AIF1L: variants seen among roughly 807,000 people sequenced by gnomAD.
AIF1L encodes allograft inflammatory factor 1-like.
AIF1L carries 12 observed loss-of-function variants against 20.7 expected under a neutral mutation model. The ratio of observed to expected loss-of-function variants is 0.58; its 90% confidence interval spans 0.37 to 0.94. The LOEUF is 0.94. Ranked by LOEUF, AIF1L falls within the 40% of genes least tolerant of loss-of-function variation. AIF1L has a pLI of 0.01. For synonymous variants in AIF1L, 76 were observed against 65.1 expected (o/e 1.17, Z -0.81); for missense variants, 173 against 185.3 (o/e 0.93, Z 0.39).
intron 2 of AIF1L, among the ~76,000 whole-genome samples, chr9:131,097,307 C>G (rs1353989847): frequency 6.6e-6 from 1 of 152,236 alleles, no homozygotes; most frequent in Admixed American, 6.5e-5. Context: ...GCAGCCTCCA[C>G]CTTTGGGATT....
chr9:131,099,609 C>T (rs74334054), intron 2 of AIF1L, among the ~76,000 whole-genome samples: 2,508 of 152,322 alleles, frequency 0.016, 78 homozygotes, highest in African/African-American at 0.058. Context: ...GCCTGGGGCA[C>T]AGCCCAGCTT....
chr9:131,097,974 C>T (rs1588177360), intron 2 of AIF1L, among the ~76,000 whole-genome samples: 1 of 152,256 alleles, frequency 6.6e-6, no homozygotes, highest in African/African-American at 2.4e-5. Flanking sequence ...CCCCTGCAGG[C>T]TCCTCTGGTC....
At chr9:131,102,564 G>A (rs981184644) in intron 2 of AIF1L, among the ~76,000 whole-genome samples, 2 of 152,230 alleles carry the variant, frequency 1.3e-5, no homozygotes, top group Non-Finnish European at 1.5e-5. Flanking sequence ...GTGTGGCCGT[G>A]TCACAGGAAG....
At position 131,117,878 on chromosome 9, in the gene AIF1L, G is replaced by C. The variant is rs1189343793; in HGVS notation, c.325G>C (p.Val109Leu). The change falls in exon 5 of 6, where the codon GTG (valine) becomes CTG (leucine). Residue 109 changes from valine to leucine, a missense_variant. Coordinates refer to ENST00000247291, the MANE Select transcript of AIF1L (RefSeq NM_031426.4). ...VSDTISYRDF[V>L]NMMLGKRSAV... ...TGACACTATATCCTACCGAGACTTT[G>C]TGAACATGATGCTGGGGAAACGGTC... 2 of 1,613,248 alleles carry C rather than the reference G, an allele frequency of 1.2e-6. No individual in the cohort carries two copies. The highest frequency in any genetic ancestry group is 1.7e-6 in the Non-Finnish European group (2 of 1,179,776).
chr9:131,111,505 C>T (rs906476116), intron 2 of AIF1L, 92 bp from the exon 3 acceptor site: 439 of 1,198,802 alleles, frequency 3.7e-4, no homozygotes, highest in Non-Finnish European at 4.7e-4. Context: ...CCTGGTTACC[C>T]GATAGGAGGG....
intron 2 of AIF1L, chr9:131,111,354 C>T: frequency 2.2e-6 from 1 of 452,642 alleles, no homozygotes; most frequent in Non-Finnish European, 4.0e-6. Context: ...GGCTGGAGGG[C>T]TTAGTCACCC....
intron 2 of AIF1L, among the ~76,000 whole-genome samples, chr9:131,099,596 G>A (rs886659258): frequency 6.6e-6 from 1 of 152,222 alleles, no homozygotes; most frequent in East Asian, 1.9e-4. Context: ...CGCCATGGCT[G>A]CTGCCTGGGG....
intron 2 of AIF1L, among the ~76,000 whole-genome samples, chr9:131,107,072 A>G (rs1357979697): frequency 6.6e-6 from 1 of 152,118 alleles, no homozygotes; most frequent in East Asian, 1.9e-4. Context: ...CAGCCTGGCG[A>G]CAGAGTGAGA....
intron 5 of AIF1L, 81 bp downstream of exon 5, chr9:131,117,999 G>C: frequency 6.9e-7 from 1 of 1,446,106 alleles, no homozygotes; most frequent in Non-Finnish European, 9.3e-7. Context: ...GGGCACCCCA[G>C]CCATTCCCCA....
At chr9:131,116,626 G>A (rs1398041320) in intron 4 of AIF1L, among the ~76,000 whole-genome samples, 4 of 152,184 alleles carry the variant, frequency 2.6e-5, no homozygotes, top group African/African-American at 4.8e-5. Flanking sequence ...TTGTTTAGCC[G>A]ATGCCTTTGT....
At chr9:131,103,378 A>T in intron 2 of AIF1L, among the ~76,000 whole-genome samples, 1 of 152,026 alleles carries the variant, frequency 6.6e-6, no homozygotes, top group East Asian at 1.9e-4. Context: ...TCGGTGGGTG[A>T]TGTTCTTTCC....
At position 131,098,463 on chromosome 9, in the gene AIF1L, T is replaced by A. The variant is rs185714032; in HGVS notation, c.93+1600T>A. On this transcript the variant is annotated intron_variant, in intron 2 of 5. Transcript: ENST00000247291. ...AGAAGGCTGGAACCCCGACCTCATA[T>A]AGCCCCCTGGGTCACTTGGCCAGGC... Among the ~76,000 whole-genome samples, 163 of 152,200 alleles carry A rather than the reference T, an allele frequency of 1.1e-3. 5 individuals are homozygous for A. In the Middle Eastern group the frequency reaches 0.017, roughly 16 times the overall value.
At chr9:131,106,254 C>G in intron 2 of AIF1L, 1 of 1,532,754 alleles carries the variant, frequency 6.5e-7, no homozygotes, top group Non-Finnish European at 8.7e-7. Context: ...CTTGCTGGCT[C>G]TGCTGTTTCA....
intron 2 of AIF1L, among the ~76,000 whole-genome samples, chr9:131,109,256 A>G (rs763715665): frequency 1.3e-4 from 20 of 152,244 alleles, no homozygotes; most frequent in Middle Eastern, 3.4e-3. Context: ...GAGCTCAGTA[A>G]TGAAGAATGG....
At chr9:131,105,928 C>T (rs1448186623) in intron 2 of AIF1L, among the ~76,000 whole-genome samples, 1 of 151,842 alleles carries the variant, frequency 6.6e-6, no homozygotes, top group Non-Finnish European at 1.5e-5. Context: ...AAGTGATCCT[C>T]CAGCCTCAGC....
At chr9:131,102,214 CT>C (rs1172936008) in intron 2 of AIF1L, among the ~76,000 whole-genome samples, 1 of 152,166 alleles carries the variant, frequency 6.6e-6, no homozygotes, top group African/African-American at 2.4e-5. Context: ...CACCTGGCCC[CT>C]GATGTTTTTT....
chr9:131,115,449 CAAAA>C lies in AIF1L; in HGVS notation c.202+853_202+856del, dbSNP rs746698091. Among the ~76,000 whole-genome samples, 354 of 60,396 alleles carry C rather than the reference CAAAA, an allele frequency of 5.9e-3. 1 individual carries two copies. The highest frequency in any genetic ancestry group is 0.023 in the African/African-American group (320 of 14,208). The allele number at this position is 60,396 out of a possible 152,430, so 39.6% of individuals were successfully genotyped here. A position where few individuals can be genotyped will look rare whatever the true frequency, so the allele number is the denominator to read the frequency against. On this transcript the variant is annotated intron_variant, in intron 4 of 5. Coordinates refer to ENST00000247291, the MANE Select transcript of AIF1L (RefSeq NM_031426.4). ...TGGGTGACAGAGCGAGATTCTGTCT[CAAAA>C]AAAAAAAAAAAAAAAAAAAAAGCAA... is the stretch of plus-strand genomic sequence containing the variant.
At chr9:131,118,028 G>A in intron 5 of AIF1L, 110 bp downstream of exon 5, 6 of 1,161,512 alleles carry the variant, frequency 5.2e-6, no homozygotes, top group Non-Finnish European at 7.2e-6. Context: ...GTAACTCATT[G>A]TGCGACCTGC....
intron 2 of AIF1L, among the ~76,000 whole-genome samples, chr9:131,109,823 G>A (rs192742341): frequency 1.3e-5 from 2 of 152,318 alleles, no homozygotes; most frequent in Non-Finnish European, 2.9e-5. Flanking sequence ...AAAGAATGTA[G>A]GGGCTAAGGA....
Sources: allele counts gnomAD v4.1 joint callset (sites outside exome capture counted in the v4.1 genomes callset), GRCh38; gene constraint gnomAD v4.1.1; transcripts MANE v1.5; gene names NCBI Gene and HGNC (gene_info 2026-07-23, HGNC 2026-07-21).